The following AUH variants were observed in gnomAD, a reference collection of about 807,000 sequenced individuals.
AUH encodes methylglutaconyl-CoA hydratase, mitochondrial.
Under a neutral mutation model 42.3 loss-of-function variants are expected in AUH, and 29 were observed. The ratio of observed to expected loss-of-function variants is 0.69; its 90% confidence interval spans 0.51 to 0.93. The LOEUF (loss-of-function observed/expected upper bound fraction) is 0.93, where lower values mean the gene tolerates loss of function less well. AUH is among the 40% of genes least tolerant of loss of function. AUH has a pLI of 0.00. For missense variants in AUH, 452 were observed against 438.1 expected, an observed-to-expected ratio of 1.03 and a Z score of -0.28; for synonymous variants, 174 against 166.4, an observed-to-expected ratio of 1.05 and a Z score of -0.35.
intron 3 of AUH, among the ~76,000 whole-genome samples, chr9:91,350,244 T>C (rs753230317): frequency 2.0e-5 from 3 of 152,220 alleles, no homozygotes; most frequent in Non-Finnish European, 2.9e-5. Flanking sequence ...AATGTCTAAG[T>C]GTATAAAATT....
chr9:91,357,148 T>C (rs1005163705), intron 1 of AUH, among the ~76,000 whole-genome samples: 1 of 152,234 alleles, frequency 6.6e-6, no homozygotes, highest in Non-Finnish European at 1.5e-5. Context: ...TGACAGGATC[T>C]GTATTAAACA....
At chr9:91,238,981 A>G (rs7856555) in intron 6 of AUH, among the ~76,000 whole-genome samples, 14,832 of 152,308 alleles carry the variant, frequency 0.097, 750 homozygotes, top group Middle Eastern at 0.13. Flanking sequence ...TGTGAAATAT[A>G]GATGTTACTT....
intron 3 of AUH, among the ~76,000 whole-genome samples, chr9:91,338,305 G>C (rs1442633707): frequency 6.6e-6 from 1 of 152,184 alleles, no homozygotes; most frequent in East Asian, 1.9e-4. Flanking sequence ...AATAGGATCA[G>C]ATTAGTTTCA....
chr9:91,232,547 C>T (rs967077378), intron 6 of AUH, among the ~76,000 whole-genome samples: 1 of 152,164 alleles, frequency 6.6e-6, no homozygotes, highest in Admixed American at 6.5e-5. Context: ...CATTTCAACA[C>T]CCCACCAGCC....
chr9:91,332,383 T>A (rs1043826960), intron 3 of AUH, among the ~76,000 whole-genome samples: 2 of 152,252 alleles, frequency 1.3e-5, no homozygotes, highest in Admixed American at 1.3e-4. Flanking sequence ...GTGCCTGTAA[T>A]CTCGGCTACT....
intron 6 of AUH, among the ~76,000 whole-genome samples, chr9:91,225,016 A>G (rs1326567529): frequency 1.3e-5 from 2 of 152,226 alleles, no homozygotes; most frequent in Non-Finnish European, 2.9e-5. Context: ...ATTTTTACAA[A>G]TATCTCCGGA....
At chr9:91,228,266 C>T (rs960996404) in intron 6 of AUH, among the ~76,000 whole-genome samples, 4 of 152,174 alleles carry the variant, frequency 2.6e-5, no homozygotes, top group African/African-American at 4.8e-5. Context: ...TCAACTTCTT[C>T]GTGGTTTAGT....
chr9:91,338,175 A>T (rs1830828964), intron 3 of AUH, among the ~76,000 whole-genome samples: 1 of 152,240 alleles, frequency 6.6e-6, no homozygotes, highest in East Asian at 1.9e-4. Context: ...TTTTCCTCAA[A>T]GTGAAGTGTC....
intron 6 of AUH, among the ~76,000 whole-genome samples, chr9:91,276,154 C>T (rs1389481134): frequency 6.6e-6 from 1 of 152,084 alleles, no homozygotes; most frequent in African/African-American, 2.4e-5. Context: ...ACAGGTCGAG[C>T]GCGGTGGCTC....
rs544618073 is a variant in AUH, at chr9:91,316,863, T to C, written c.505+8455A>G. 3.9e-5 allele frequency among the ~76,000 whole-genome samples: 6 copies of C among 152,356 alleles called. No homozygotes were observed. In the East Asian group the frequency reaches 9.6e-4, roughly 24 times the overall value. ...TTTATTTATAGTATGTTTTCATGAA[T>C]TGATGTTCTTAAGTTTAATTTGGTA... is the stretch of plus-strand genomic sequence containing the variant. On this transcript the variant is annotated intron_variant, in intron 4 of 9. Transcript: ENST00000375731.
At chr9:91,359,568 C>G (rs552078746) in intron 1 of AUH, among the ~76,000 whole-genome samples, 202 of 151,278 alleles carry the variant, frequency 1.3e-3, no homozygotes, top group South Asian at 2.3e-3. Context: ...CAGTCTCCAT[C>G]TCAAAAGAAA....
chr9:91,254,175 T>A (rs1829285944), intron 6 of AUH, among the ~76,000 whole-genome samples: 1 of 152,168 alleles, frequency 6.6e-6, no homozygotes, highest in Admixed American at 6.5e-5. Flanking sequence ...GAAGAATATC[T>A]CTGGATGGTG....
intron 6 of AUH, among the ~76,000 whole-genome samples, chr9:91,225,305 C>T (rs1033144727): frequency 3.3e-5 from 5 of 152,220 alleles, no homozygotes; most frequent in Non-Finnish European, 7.3e-5. Flanking sequence ...TGGCATCAGA[C>T]TGTAAGCTCC....
intron 4 of AUH, among the ~76,000 whole-genome samples, chr9:91,301,170 G>C (rs1023175876): frequency 1.1e-4 from 16 of 152,158 alleles, no homozygotes; most frequent in African/African-American, 3.9e-4. Flanking sequence ...AGAGTTCTAA[G>C]ATGGAGAGAG....
intron 6 of AUH, among the ~76,000 whole-genome samples, chr9:91,281,452 G>C (rs1489099350): frequency 6.6e-6 from 1 of 152,106 alleles, no homozygotes; most frequent in East Asian, 1.9e-4. Context: ...CAGGCCTCTG[G>C]AAGGCAGGAA....
intron 5 of AUH, among the ~76,000 whole-genome samples, chr9:91,296,384 A>G (rs1827334465): frequency 6.6e-6 from 1 of 152,196 alleles, no homozygotes; most frequent in Non-Finnish European, 1.5e-5. Context: ...TTGGAGGCAT[A>G]GATCTATTAA....
intron 6 of AUH, among the ~76,000 whole-genome samples, chr9:91,286,947 T>C (rs1587775562): frequency 6.6e-6 from 1 of 152,084 alleles, no homozygotes; most frequent in Non-Finnish European, 1.5e-5. Context: ...TCACCCCATA[T>C]ATACACACAC....
chr9:91,296,120 C>A, intron 5 of AUH, 43 bp from the exon 6 acceptor site: 17 of 1,578,572 alleles, frequency 1.1e-5, no homozygotes, highest in Non-Finnish European at 1.4e-5. Context: ...CATATCATCA[C>A]ATTCAAATAT....
intron 6 of AUH, among the ~76,000 whole-genome samples, chr9:91,254,729 A>C (rs1297757262): frequency 6.6e-6 from 1 of 152,244 alleles, no homozygotes; most frequent in Non-Finnish European, 1.5e-5. Flanking sequence ...ACATCAATGC[A>C]ACAATATGTT....
Sources: gnomAD v4.1 joint callset for allele counts (sites outside exome capture counted in the v4.1 genomes callset) on GRCh38, gnomAD v4.1.1 for gene constraint, MANE v1.5 for transcripts, NCBI Gene and HGNC (gene_info 2026-07-23, HGNC 2026-07-21) for gene names.